AHDC1: variants seen among roughly 807,000 people sequenced by gnomAD.
The protein encoded by AHDC1 is transcription factor Gibbin.
AHDC1 carries 7 observed loss-of-function variants against 87.9 expected under a neutral mutation model. The observed-to-expected ratio is 0.08, with a 90% CI of 0.05 to 0.15. The LOEUF (loss-of-function observed/expected upper bound fraction) is 0.15. Among genes scored for constraint, AHDC1 ranks in the 10% least tolerant of loss-of-function variants. AHDC1 has a pLI of 1.00. For synonymous variants in AHDC1, 1,051 were observed against 1,006.8 expected (o/e 1.04, Z -0.83); for missense variants, 1,841 against 2,253.2 (o/e 0.82, Z 3.70).
intron 3 of AHDC1, among the ~76,000 whole-genome samples, chr1:27,576,530 G>C (rs1229270629): frequency 6.6e-6 from 1 of 152,146 alleles, no homozygotes; most frequent in African/African-American, 2.4e-5. Context: ...TTGTTAATGA[G>C]AAAGCTGAAG....
chr1:27,548,870 G>A lies in AHDC1; in HGVS notation c.3246C>T (p.Ala1082=), dbSNP rs1353802489. Residue 1082 remains alanine (A), a synonymous_variant, in exon 8 of 9, where the codon GCC becomes GCT. Coordinates refer to ENST00000673934, the MANE Select transcript of AHDC1 (RefSeq NM_001371928.1). ...AGGAGGAGGAGGAGGAGGCGGCAGA[G>A]GCTGCAGAGGTGGCAGAGGCTGTGG... The part of the protein sequence containing the change: ...KGTTASATSA[A]SAASSSSSSF... 1.2e-6 allele frequency: 2 copies of A among 1,612,440 alleles called. No homozygotes were observed. The highest frequency in any genetic ancestry group is 4.5e-5 in the East Asian group (2 of 44,862).
rs1314183487 is a variant in AHDC1 at position 27,551,093 on chromosome 1, A to G, written c.1023T>C (p.Leu341=). The part of the protein sequence containing the change: ...PQALDPLPKL[L]DVPGRRLEPQ... ...GCTCCAGACGGCGACCTGGGACGTC[A>G]AGCAGCTTGGGCAGGGGGTCGAGTG... is the stretch of plus-strand genomic sequence containing the variant. The change falls in exon 8 of 9, where the codon CTT becomes CTC. Residue 341 remains leucine, a synonymous_variant. Transcript: ENST00000673934. The G allele has an allele frequency of 1.9e-6, 3 of 1,571,324 alleles. 1 individual carries two copies. The highest frequency in any genetic ancestry group is 8.6e-7 in the Non-Finnish European group (1 of 1,158,668).
intron 7 of AHDC1, chr1:27,552,400 C>CTT (rs750916427): frequency 5.1e-3 from 1,372 of 269,872 alleles, no homozygotes; most frequent in Middle Eastern, 8.8e-3. Flanking sequence ...CCCAGTTTCA[C>CTT]TTTTTTTTTT....
At position 27,549,548 on chromosome 1, in the gene AHDC1, G is replaced by A. The variant is rs975440154; in HGVS notation, c.2568C>T (p.Ala856=). The change falls in exon 8 of 9, where the codon GCC becomes GCT. Residue 856 remains alanine, a synonymous_variant. Transcript: ENST00000673934. ...SDDSSDLLDF[A]LSASRPESRK... is the part of the protein sequence containing the mutation. ...GGGACTCTGGGCGAGAGGCTGAGAGGGCAAAGTCCAAGAGATCGGAGGAGT... is the reference window on the plus strand; with the variant it reads ...GGGACTCTGGGCGAGAGGCTGAGAGAGCAAAGTCCAAGAGATCGGAGGAGT... 2.5e-6 allele frequency: 4 copies of A among 1,613,240 alleles called. No homozygotes were observed. The highest frequency in any genetic ancestry group is 3.4e-6 in the Non-Finnish European group (4 of 1,179,982).
At chr1:27,537,839 G>T (rs1337734589) in intron 8 of AHDC1, among the ~76,000 whole-genome samples, 1 of 152,176 alleles carries the variant, frequency 6.6e-6, no homozygotes, top group Non-Finnish European at 1.5e-5. Context: ...GCCTGTCAAG[G>T]GGGGGACTGG....
intron 8 of AHDC1, among the ~76,000 whole-genome samples, chr1:27,537,018 C>T (rs1241593565): frequency 6.6e-6 from 1 of 152,198 alleles, no homozygotes; most frequent in Non-Finnish European, 1.5e-5. Context: ...CCGCCCATCG[C>T]GTCTCACCTT....
In AHDC1 at chr1:27,547,453, A is replaced by G. The variant is rs1191563672; in HGVS notation, c.4663T>C (p.Ser1555Pro). The G allele has an allele frequency of 6.3e-7, 1 of 1,591,694 alleles. No individual in the cohort carries two copies. The highest frequency in any genetic ancestry group is 8.6e-7 in the Non-Finnish European group (1 of 1,164,160). Residue 1555 changes from serine (S) to proline (P), a missense_variant, in exon 8 of 9, where the codon TCG (serine) becomes CCG (proline). Ser to Pro is a moderately conservative substitution (Grantham distance 74). Transcript: ENST00000673934. The surrounding 1 kb of genome is among the most constrained non-coding windows in gnomAD (Gnocchi z 4.9). Reference sequence around the variant, plus strand: ...GCGGTGTCCTGCAGGGGCAGCAGCGAGTCCCTCGGCACGGGGGACAGGGTC... The same window carrying G: ...GCGGTGTCCTGCAGGGGCAGCAGCGGGTCCCTCGGCACGGGGGACAGGGTC... Reference protein sequence around the residue: ...DLTLSPVPRDSLLPLQDTAYR... With the variant: ...DLTLSPVPRDPLLPLQDTAYR...
At chr1:27,584,728 T>C (rs999243873) in intron 3 of AHDC1, among the ~76,000 whole-genome samples, 77 of 152,060 alleles carry the variant, frequency 5.1e-4, no homozygotes, top group African/African-American at 1.8e-3. Context: ...ACTCTGCCTG[T>C]TTCCCCCACA....
intron 3 of AHDC1, among the ~76,000 whole-genome samples, chr1:27,582,287 T>C (rs1305669076): frequency 1.2e-4 from 19 of 152,258 alleles, no homozygotes; most frequent in Admixed American, 1.2e-3. Flanking sequence ...CAGATTGTTG[T>C]CTTCAAGCCA....
At chr1:27,580,579 C>CTTAA (rs1053054762) in intron 3 of AHDC1, among the ~76,000 whole-genome samples, 19 of 152,218 alleles carry the variant, frequency 1.2e-4, no homozygotes, top group African/African-American at 3.9e-4. Flanking sequence ...CAAGCCCAGG[C>CTTAA]TTAACTTCCA....
chr1:27,551,867 C>T lies in AHDC1; in HGVS notation c.249G>A (p.Pro83=), dbSNP rs762644111. 4.7e-5 allele frequency: 76 copies of T among 1,608,286 alleles called. No individual in the cohort carries two copies. Among genetic ancestry groups the T allele is most frequent in the Middle Eastern group, 3.3e-4 (2 of 6,070 alleles). ...RPPVLAKGDD[P]LPPRAARPVS... ...CAGGACGGGCTGCCCGTGGGGGCAG[C>T]GGGTCGTCCCCCTTGGCAAGGACTG... The change falls in exon 8 of 9, where the codon CCG becomes CCA. Residue 83 remains proline (P), a synonymous_variant. Transcript: ENST00000673934.
In AHDC1 at chr1:27,581,568, C is replaced by T. The variant is rs530008541; in HGVS notation, c.-629+21829G>A. 5.9e-5 allele frequency among the ~76,000 whole-genome samples: 9 copies of T among 152,338 alleles called. No individual in the cohort carries two copies. The South Asian group carries it at 1.7e-3, about 28-fold the overall frequency. On this transcript the variant is annotated intron_variant, in intron 3 of 8. Transcript: ENST00000673934. Reference sequence around the variant, plus strand: ...TATCCTCTCCCAGGCCCTACTCCTTCCTCCAGTCCAAGTGGTCTCTCTGAT... The same window carrying T: ...TATCCTCTCCCAGGCCCTACTCCTTTCTCCAGTCCAAGTGGTCTCTCTGAT...
At chr1:27,580,372 C>A (rs527653636) in intron 3 of AHDC1, among the ~76,000 whole-genome samples, 1 of 152,230 alleles carries the variant, frequency 6.6e-6, no homozygotes, top group Non-Finnish European at 1.5e-5. Flanking sequence ...CCCCTTACCT[C>A]CAACTACCTG....
chr1:27,539,432 C>A (rs1350432999), intron 8 of AHDC1, among the ~76,000 whole-genome samples: 1 of 151,666 alleles, frequency 6.6e-6, no homozygotes, highest in Non-Finnish European at 1.5e-5. Flanking sequence ...AGCCACCATG[C>A]CAGGCCTGGA....
intron 3 of AHDC1, among the ~76,000 whole-genome samples, chr1:27,588,916 C>T (rs1473493863): frequency 6.6e-6 from 1 of 151,878 alleles, no homozygotes; most frequent in Non-Finnish European, 1.5e-5. Flanking sequence ...TTGAGAAAGA[C>T]AAGAGGGAAC....
chr1:27,589,642 T>C (rs1202258573), intron 3 of AHDC1, among the ~76,000 whole-genome samples: 1 of 152,130 alleles, frequency 6.6e-6, no homozygotes, highest in Non-Finnish European at 1.5e-5. Context: ...TGTGTTGTAG[T>C]ATGGAGATGC....
intron 8 of AHDC1, among the ~76,000 whole-genome samples, chr1:27,542,970 C>G (rs1298628218): frequency 6.6e-6 from 1 of 152,182 alleles, no homozygotes; most frequent in African/African-American, 2.4e-5. Flanking sequence ...TGACGTAAGG[C>G]CTCTTGCTCA....
chr1:27,597,547 C>T (rs2089411486), intron 3 of AHDC1, among the ~76,000 whole-genome samples: 1 of 152,062 alleles, frequency 6.6e-6, no homozygotes, highest in Non-Finnish European at 1.5e-5. Flanking sequence ...CTCAGCAACC[C>T]CCTCCCCCTA....
At chr1:27,588,297 AG>A (rs1484753256) in intron 3 of AHDC1, among the ~76,000 whole-genome samples, 2 of 151,124 alleles carry the variant, frequency 1.3e-5, no homozygotes, top group Non-Finnish European at 2.9e-5. Context: ...GAGTTGGAAG[AG>A]ACAGGCAACA....
Sources: gnomAD v4.1 joint callset for allele counts (sites outside exome capture counted in the v4.1 genomes callset) on GRCh38, gnomAD v4.1.1 for gene constraint, Gnocchi (gnomAD v3.1) non-coding constraint, MANE v1.5 for transcripts, NCBI Gene and HGNC (gene_info 2026-07-23, HGNC 2026-07-21) for gene names.